Variants in RBFOX1 observed in about 807,000 individuals in gnomAD.
The protein encoded by RBFOX1 is RNA binding fox-1 homolog 1.
Under a neutral mutation model 57.7 loss-of-function variants are expected in RBFOX1, and 8 were observed. The observed-to-expected ratio is 0.14, with a 90% CI of 0.08 to 0.25. RBFOX1 has a LOEUF of 0.25. RBFOX1 is among the 10% of genes least tolerant of loss of function. The probability of loss-of-function intolerance (pLI) is 1.00; values close to 1 mark genes in which losing one functional copy is unlikely to be tolerated. For synonymous variants in RBFOX1, 326 were observed against 222.4 expected (o/e 1.47, Z -4.15); for missense variants, 611 against 548.5 (o/e 1.11, Z -1.14).
chr16:5,887,779 A>G (rs1463208490), intron 4 of RBFOX1, among the ~76,000 whole-genome samples: 1 of 152,164 alleles, frequency 6.6e-6, no homozygotes, highest in Non-Finnish European at 1.5e-5. Flanking sequence ...GAGTCAGACC[A>G]CGCAACCGAA....
intron 2 of RBFOX1, among the ~76,000 whole-genome samples, chr16:6,555,109 C>T (rs1167049248): frequency 6.6e-6 from 1 of 152,090 alleles, no homozygotes; most frequent in Non-Finnish European, 1.5e-5. Flanking sequence ...TAAGGGGGTG[C>T]CTCCATTCTT....
chr16:7,218,686 T>C (rs985317570), intron 4 of RBFOX1, among the ~76,000 whole-genome samples: 8 of 122,344 alleles, frequency 6.5e-5, no homozygotes, highest in Non-Finnish European at 1.2e-4. Context: ...GTGTGTCCTT[T>C]TGTTCCTAAC....
At chr16:7,537,280 C>G (rs1443522847) in intron 5 of RBFOX1, among the ~76,000 whole-genome samples, 3 of 152,178 alleles carry the variant, frequency 2.0e-5, no homozygotes, top group African/African-American at 4.8e-5. Flanking sequence ...ACCAAATAAT[C>G]TGCCAGAGCT....
At chr16:5,749,358 C>T (rs1337430081) in intron 3 of RBFOX1, among the ~76,000 whole-genome samples, 6 of 152,252 alleles carry the variant, frequency 3.9e-5, no homozygotes, top group African/African-American at 1.4e-4. Context: ...AGTTGCTCTT[C>T]TCGAGGAGTA....
intron 14 of RBFOX1, among the ~76,000 whole-genome samples, chr16:7,694,345 G>A (rs1241318552): frequency 6.6e-6 from 1 of 152,142 alleles, no homozygotes; most frequent in Non-Finnish European, 1.5e-5. Context: ...AGGCTTATGT[G>A]CCAATGTTTC....
chr16:7,578,401 G>C (rs2093495866), intron 5 of RBFOX1, among the ~76,000 whole-genome samples: 1 of 152,184 alleles, frequency 6.6e-6, no homozygotes, highest in Admixed American at 6.5e-5. Context: ...TTGGAAGAAT[G>C]GTTTGCCAGC....
intron 10 of RBFOX1, among the ~76,000 whole-genome samples, chr16:7,629,636 A>G (rs1333777490): frequency 6.6e-6 from 1 of 152,224 alleles, no homozygotes; most frequent in Non-Finnish European, 1.5e-5. Context: ...GGAAAGTAGC[A>G]CTGATACCCT....
At chr16:6,419,377 C>T (rs535004728) in intron 2 of RBFOX1, among the ~76,000 whole-genome samples, 1 of 152,252 alleles carries the variant, frequency 6.6e-6, no homozygotes, top group East Asian at 1.9e-4. Context: ...GAGTGTATGG[C>T]TTGGTTTGTT....
chr16:5,779,202 C>T (rs1415518765), intron 3 of RBFOX1, among the ~76,000 whole-genome samples: 4 of 152,172 alleles, frequency 2.6e-5, no homozygotes, highest in Non-Finnish European at 5.9e-5. Flanking sequence ...TCCCCCCTCA[C>T]GTCGTGTGCA....
At chr16:5,757,298 C>G (rs1252531284) in intron 3 of RBFOX1, among the ~76,000 whole-genome samples, 1 of 143,654 alleles carries the variant, frequency 7.0e-6, no homozygotes, top group Non-Finnish European at 1.5e-5. Context: ...GTGGTGCAAT[C>G]TTGGTTCACT....
chr16:6,125,887 T>G (rs186322427), intron 1 of RBFOX1, among the ~76,000 whole-genome samples: 45 of 152,326 alleles, frequency 3.0e-4, no homozygotes, highest in Non-Finnish European at 2.6e-4. Flanking sequence ...TGAAGGATTA[T>G]GAGGCTGCTA....
intron 2 of RBFOX1, among the ~76,000 whole-genome samples, chr16:6,453,443 A>C (rs771377567): frequency 6.6e-6 from 1 of 152,172 alleles, no homozygotes; most frequent in Admixed American, 6.5e-5. Flanking sequence ...GAAATGGATA[A>C]ATTCCTGGAC....
intron 4 of RBFOX1, among the ~76,000 whole-genome samples, chr16:7,364,436 A>T (rs2097396215): frequency 6.6e-6 from 1 of 152,286 alleles, no homozygotes; most frequent in South Asian, 2.1e-4. Flanking sequence ...GTGCGTGTTT[A>T]ACATTTCATT....
At chr16:5,748,876 G>T (rs2151612882) in intron 3 of RBFOX1, among the ~76,000 whole-genome samples, 1 of 152,234 alleles carries the variant, frequency 6.6e-6, no homozygotes, top group East Asian at 1.9e-4. Context: ...TGACATTTAA[G>T]GTTAATATTG....
At chr16:6,898,054 T>C (rs1381327722) in intron 3 of RBFOX1, among the ~76,000 whole-genome samples, 1 of 152,196 alleles carries the variant, frequency 6.6e-6, no homozygotes, top group East Asian at 1.9e-4. Context: ...GGTGTTTATA[T>C]AATGCCTGAT....
At chr16:6,602,996 C>T (rs1367688317) in intron 2 of RBFOX1, among the ~76,000 whole-genome samples, 14 of 151,982 alleles carry the variant, frequency 9.2e-5, no homozygotes, top group Admixed American at 9.2e-4. Flanking sequence ...TCAGTGCACC[C>T]AAGGAAAAAG....
chr16:5,922,115 C>G (rs143151738), intron 4 of RBFOX1, among the ~76,000 whole-genome samples: 2 of 152,076 alleles, frequency 1.3e-5, no homozygotes, highest in Non-Finnish European at 2.9e-5. Context: ...GAGCTCTGAT[C>G]GCACCACTGC....
chr16:7,514,354 C>T (rs958936262), intron 4 of RBFOX1, among the ~76,000 whole-genome samples: 1 of 152,196 alleles, frequency 6.6e-6, no homozygotes, highest in Non-Finnish European at 1.5e-5. Context: ...CTTTACAGAG[C>T]CCAGAGGTCA....
rs2057050661 is a variant in RBFOX1, at chr16:5,856,263, A to ATATATATG, written c.319-11033_319-11032insGTATATAT. Among the ~76,000 whole-genome samples the ATATATATG allele has an allele frequency of 2.9e-4, 6 of 20,588 alleles. 1 individual carries two copies. The highest frequency in any genetic ancestry group is 8.4e-4 in the African/African-American group (6 of 7,176). The allele number at this position is 20,588 out of a possible 152,430, so 13.5% of individuals were successfully genotyped here. ...TGTGTATATATATGTATATATATGT[A>ATATATATG]TATATATATACACATATATATACAC... On this transcript the variant is annotated intron_variant, in intron 3 of 19. Transcript: ENST00000641259.
Sources: allele counts gnomAD v4.1 joint callset (sites outside exome capture counted in the v4.1 genomes callset), GRCh38; gene constraint gnomAD v4.1.1; transcripts MANE v1.5; gene names NCBI Gene and HGNC (gene_info 2026-07-23, HGNC 2026-07-21).